Variants in SLC2A7 observed in about 807,000 individuals in gnomAD.
SLC2A7 encodes the protein solute carrier family 2, facilitated glucose transporter member 7.
In SLC2A7, 50 loss-of-function variants were observed where a neutral mutation model predicts 50.5. That is an observed-to-expected ratio of 0.99 (90% CI 0.79 to 1.25). The LOEUF (loss-of-function observed/expected upper bound fraction) is 1.25. SLC2A7 is among the 50% of genes most tolerant of loss of function. The probability of loss-of-function intolerance (pLI) is 0.00; values close to 1 mark genes in which losing one functional copy is unlikely to be tolerated. For missense variants in SLC2A7, 683 were observed against 679.1 expected, an observed-to-expected ratio of 1.01 and a Z score of -0.06; for synonymous variants, 308 against 300.4, an observed-to-expected ratio of 1.03 and a Z score of -0.26.
At chr1:9,025,840 C>T (rs1248912989) in intron 1 of SLC2A7, among the ~76,000 whole-genome samples, 1 of 152,134 alleles carries the variant, frequency 6.6e-6, no homozygotes, top group Non-Finnish European at 1.5e-5. Context: ...CTGGTGCATG[C>T]CCCCTCCCCA....
intron 2 of SLC2A7, 35 bp from the exon 3 acceptor site, chr1:9,023,113 T>A (rs758221441): frequency 1.2e-6 from 2 of 1,600,052 alleles, no homozygotes; most frequent in Non-Finnish European, 1.7e-6. Flanking sequence ...GCTAAGAATA[T>A]TGGGCAGTTC....
At chr1:8,999,732 G>A (rs1416889361), downstream of SLC2A7, among the ~76,000 whole-genome samples, 1 of 152,176 alleles carries the variant, frequency 6.6e-6, no homozygotes, top group East Asian at 1.9e-4. Context: ...TTCTTATTCG[G>A]GGGAGGAATC....
intron 9 of SLC2A7, 136 bp from the exon 10 acceptor site, chr1:9,007,521 C>T: frequency 1.3e-6 from 1 of 753,240 alleles, no homozygotes; most frequent in South Asian, 1.8e-5. Flanking sequence ...ACCTTGAGGG[C>T]TCTGTGGGCA....
intron 3 of SLC2A7, among the ~76,000 whole-genome samples, chr1:9,021,242 T>C (rs932556972): frequency 6.6e-6 from 1 of 152,216 alleles, no homozygotes. Context: ...ACTCTTAGCC[T>C]GAAGTGATTG....
chr1:9,000,347 G>A (rs138504905), downstream of SLC2A7, among the ~76,000 whole-genome samples: 2,404 of 150,242 alleles, frequency 0.016, 22 homozygotes, highest in Non-Finnish European at 0.023. Context: ...GGCTGGGCAC[G>A]GTGGCTCATG....
chr1:8,993,014 T>C, the SLC2A7 span, among the ~76,000 whole-genome samples: 1 of 152,318 alleles, frequency 6.6e-6, no homozygotes, highest in East Asian at 1.9e-4. Flanking sequence ...GGGTAAAGGA[T>C]GCTGCTGATA....
At chr1:8,997,479 C>A in the SLC2A7 span, among the ~76,000 whole-genome samples, 1 of 152,096 alleles carries the variant, frequency 6.6e-6, no homozygotes, top group Non-Finnish European at 1.5e-5. Flanking sequence ...CGGTTCACTG[C>A]AACCTTCGCC....
In SLC2A7 at chr1:9,013,564, C is replaced by T. The variant is rs142867216; in HGVS notation, c.975G>A (p.Val325=). The part of the protein sequence containing the change: ...VEAAHSQYVT[V]GSGVVNIVMT... ...TCACTATGTTGACGACGCCAGAGCC[C>T]ACCGTTACATATTGGGAGTGAGCGG... The change falls in exon 8 of 12, where the codon GTG becomes GTA. Residue 325 remains valine (V), a synonymous_variant. Coordinates refer to ENST00000400906, the MANE Select transcript of SLC2A7 (RefSeq NM_207420.3). The T allele has an allele frequency of 8.7e-6, 14 of 1,613,922 alleles. No individual in the cohort carries two copies. In the African/African-American group the frequency reaches 1.2e-4, roughly 14 times the overall value.
downstream of SLC2A7, among the ~76,000 whole-genome samples, chr1:8,998,181 A>T (rs1270528968): frequency 4.6e-5 from 7 of 152,192 alleles, no homozygotes; most frequent in Non-Finnish European, 1.5e-5. Flanking sequence ...AGGTAGGTGG[A>T]TCACTTGAGG....
chr1:8,992,646 A>G, the SLC2A7 span, among the ~76,000 whole-genome samples: 1 of 152,194 alleles, frequency 6.6e-6, no homozygotes, highest in African/African-American at 2.4e-5. Context: ...AATCCAGAAC[A>G]CACAAGTTTT....
At chr1:9,005,178 T>C (rs1640636887) in intron 10 of SLC2A7, among the ~76,000 whole-genome samples, 1 of 152,200 alleles carries the variant, frequency 6.6e-6, no homozygotes, top group African/African-American at 2.4e-5. Context: ...GGAAGCTTCG[T>C]GGGAGCAGCA....
intron 9 of SLC2A7, 28 bp from the exon 10 acceptor site, chr1:9,007,413 C>T (rs1569783693): frequency 6.2e-7 from 1 of 1,612,410 alleles, no homozygotes; most frequent in Admixed American, 1.7e-5. Flanking sequence ...GCTGTCTGGG[C>T]TGAGGCCAGG....
Position 9,003,528 on chromosome 1 carries a change from G to C in SLC2A7, c.1321-10C>G, listed in dbSNP as rs1299014455. ...AGGCACCGATGGCCTCCTAGACCAG[G>C]AGACGAGAAAGACAGGAGGGGGCAG... On this transcript the variant is annotated splice_polypyrimidine_tract_variant and intron_variant, in intron 11 of 11. Transcript: ENST00000400906. The C allele has an allele frequency of 3.1e-6, 5 of 1,613,174 alleles. No individual in the cohort carries two copies. Among genetic ancestry groups the C allele is most frequent in the South Asian group, 2.2e-5 (2 of 91,058 alleles).
Position 9,003,148 on chromosome 1 carries a change from G to C in SLC2A7, c.*152C>G. ...GGAACTTCTCAGCTAAATATGCATT[G>C]TTGTGGGTATTTAATAATATCCATA... On this transcript the variant is annotated 3_prime_UTR_variant, in exon 12 of 12. Transcript: ENST00000400906. The C allele has an allele frequency of 3.0e-6, 2 of 669,538 alleles. No homozygotes were observed. The highest frequency in any genetic ancestry group is 5.1e-6 in the Non-Finnish European group (2 of 395,708). 41.5% of individuals were successfully genotyped at this position (669,538 alleles called of 1,614,324 possible).
At chr1:9,019,627 G>T (rs1042521529) in intron 3 of SLC2A7, among the ~76,000 whole-genome samples, 2 of 152,050 alleles carry the variant, frequency 1.3e-5, no homozygotes, top group Non-Finnish European at 2.9e-5. Context: ...TTTCTGCCCC[G>T]TGAAGACACA....
chr1:8,994,243 C>T, the SLC2A7 span, among the ~76,000 whole-genome samples: 1 of 152,236 alleles, frequency 6.6e-6, no homozygotes. Flanking sequence ...ACGCTTTGCC[C>T]TCCTGGGAAC....
intron 7 of SLC2A7, 45 bp downstream of exon 7, chr1:9,014,636 G>A (rs534062397): frequency 1.3e-6 from 2 of 1,544,726 alleles, no homozygotes; most frequent in Admixed American, 2.0e-5. Context: ...CATGAAGCCT[G>A]GGTCTGCTTC....
intron 10 of SLC2A7, among the ~76,000 whole-genome samples, chr1:9,005,593 G>A (rs553828196): frequency 2.2e-4 from 34 of 152,106 alleles, no homozygotes; most frequent in African/African-American, 8.2e-4. Flanking sequence ...ATCACTGGAG[G>A]TCAGGAGTTC....
chr1:9,003,462 CGCAG>C lies in SLC2A7; in HGVS notation c.1373_1376del (p.Thr458ArgfsTer19). 11 of 1,614,068 alleles carry C rather than the reference CGCAG, an allele frequency of 6.8e-6. No individual in the cohort carries two copies. The highest frequency in any genetic ancestry group is 9.3e-6 in the Non-Finnish European group (11 of 1,180,042). On this transcript the variant is annotated frameshift_variant, in exon 12 of 12. Coordinates refer to ENST00000400906, the MANE Select transcript of SLC2A7 (RefSeq NM_207420.3). LOFTEE classifies it low-confidence loss of function (END_TRUNC). ...CCGGAATAACCACGTAGATGTAAAT[CGCAG>C]TGAGGAGGCAGATTCCGGCAAAGAT...
Sources: gnomAD v4.1 joint callset for allele counts (sites outside exome capture counted in the v4.1 genomes callset) on GRCh38, gnomAD v4.1.1 for gene constraint, MANE v1.5 for transcripts, NCBI Gene and HGNC (gene_info 2026-07-23, HGNC 2026-07-21) for gene names.